Variants in LOC400499 observed in about 807,000 individuals in gnomAD.
chr16:11,387,860 C>T, the LOC400499 span, among the ~76,000 whole-genome samples: 3 of 152,060 alleles, frequency 2.0e-5, no homozygotes, highest in African/African-American at 7.2e-5. Flanking sequence ...CTGACTTCAA[C>T]TGATCTGCCC....
chr16:11,384,794 G>A, the LOC400499 span: 5 of 1,115,624 alleles, frequency 4.5e-6, no homozygotes, highest in Non-Finnish European at 5.7e-6. Flanking sequence ...GGCTCTGCAT[G>A]CACGGTAGCC....
the LOC400499 span, among the ~76,000 whole-genome samples, chr16:11,513,909 C>A: frequency 5.9e-5 from 9 of 152,236 alleles, no homozygotes; most frequent in African/African-American, 1.9e-4. Context: ...CAACTGGTTT[C>A]CAAACATGGA....
the LOC400499 span, chr16:11,472,754 A>T: frequency 2.0e-5 from 3 of 152,198 alleles, no homozygotes; most frequent in Non-Finnish European, 2.9e-5. Context: ...AGCTGTGAGG[A>T]TTAACAGGTC....
the LOC400499 span, among the ~76,000 whole-genome samples, chr16:11,408,121 T>C: frequency 6.6e-6 from 1 of 152,100 alleles, no homozygotes. Flanking sequence ...TAACCAAGAT[T>C]ACAGGCATGT....
chr16:11,460,633 C>T, the LOC400499 span: 1 of 1,506,068 alleles, frequency 6.6e-7, no homozygotes. Context: ...ACCCAGAGAC[C>T]CCTGCCCTCC....
the LOC400499 span, among the ~76,000 whole-genome samples, chr16:11,421,812 G>A: frequency 3.9e-5 from 6 of 152,198 alleles, no homozygotes; most frequent in African/African-American, 4.8e-5. Context: ...TGATGGGTAT[G>A]GGGATTCCAC....
the LOC400499 span, among the ~76,000 whole-genome samples, chr16:11,455,902 G>A: frequency 2.0e-5 from 3 of 151,910 alleles, no homozygotes; most frequent in South Asian, 2.1e-4. Flanking sequence ...GTCTACACAA[G>A]AGCAGAGAGC....
At chr16:11,459,818 G>A in the LOC400499 span, 34 of 1,235,028 alleles carry the variant, frequency 2.8e-5, 1 homozygote, top group Non-Finnish European at 3.2e-5. Context: ...GGGCCAGAGG[G>A]CCATGTGGGG....
At chr16:11,460,917 G>T in the LOC400499 span, 13 of 1,489,736 alleles carry the variant, frequency 8.7e-6, no homozygotes, top group Non-Finnish European at 1.2e-5. Flanking sequence ...AACAGGGCAG[G>T]CCCTGCCACC....
chr16:11,460,378 G>T, the LOC400499 span: 8 of 1,337,688 alleles, frequency 6.0e-6, no homozygotes, highest in African/African-American at 1.5e-5. Context: ...GTGATTGTGA[G>T]CAAGTCCATC....
chr16:11,385,048 G>GT, the LOC400499 span: 2 of 1,232,220 alleles, frequency 1.6e-6, no homozygotes, highest in Non-Finnish European at 2.0e-6. Flanking sequence ...GCAGGGAGGA[G>GT]TTGTACAGCC....
At chr16:11,391,914 C>A in the LOC400499 span, 1 of 973,050 alleles carries the variant, frequency 1.0e-6, no homozygotes, top group African/African-American at 1.7e-5. Context: ...CAGAGAGAGC[C>A]CCAGACCCTC....
chr16:11,494,268 C>T, the LOC400499 span, among the ~76,000 whole-genome samples: 2 of 150,452 alleles, frequency 1.3e-5, no homozygotes, highest in African/African-American at 2.4e-5. Flanking sequence ...CTCCAGACCC[C>T]GCGGGCCAGC....
chr16:11,514,376 TG>T, the LOC400499 span: 1 of 399,066 alleles, frequency 2.5e-6, no homozygotes, highest in Admixed American at 4.4e-5. Flanking sequence ...CGCTGGATCT[TG>T]GGGCATCTCG....
At chr16:11,482,891 C>CAAAAAAAAAAAAA in the LOC400499 span, among the ~76,000 whole-genome samples, 1 of 100,864 alleles carries the variant, frequency 9.9e-6, no homozygotes. Flanking sequence ...GACCTCAACT[C>CAAAAAAAAAAAAA]AAAAAAAAAA....
At chr16:11,426,074 G>C in the LOC400499 span, among the ~76,000 whole-genome samples, 2 of 152,310 alleles carry the variant, frequency 1.3e-5, no homozygotes, top group East Asian at 1.9e-4. Flanking sequence ...CAAAATTAAA[G>C]TGAAAAACCA....
At chr16:11,374,289 C>T in the LOC400499 span, among the ~76,000 whole-genome samples, 1 of 152,116 alleles carries the variant, frequency 6.6e-6, no homozygotes, top group Non-Finnish European at 1.5e-5. Flanking sequence ...ATCGTATCAC[C>T]ATGCCTAGCA....
chr16:11,380,222 C>T, the LOC400499 span, among the ~76,000 whole-genome samples: 2 of 151,188 alleles, frequency 1.3e-5, no homozygotes, highest in Non-Finnish European at 2.9e-5. Flanking sequence ...TTATATGTGG[C>T]CTCAAACTTC....
chr16:11,459,359 G>A, the LOC400499 span, among the ~76,000 whole-genome samples: 1 of 151,832 alleles, frequency 6.6e-6, no homozygotes, highest in South Asian at 2.1e-4. Flanking sequence ...CCCGCGCCCA[G>A]CTAATTTTTT....
Sources: gnomAD v4.1 joint callset for allele counts (sites outside exome capture counted in the v4.1 genomes callset) on GRCh38, gnomAD v4.1.1 for gene constraint, MANE v1.5 for transcripts.